The following PLEKHG1 variants were observed in gnomAD, a reference collection of about 807,000 sequenced individuals.
PLEKHG1 encodes pleckstrin homology domain-containing family G member 1.
Under a neutral mutation model 100.8 loss-of-function variants are expected in PLEKHG1, and 44 were observed. That is an observed-to-expected ratio of 0.44 (90% CI 0.34 to 0.56). PLEKHG1 has a LOEUF of 0.56. PLEKHG1 is among the 20% of genes least tolerant of loss of function. PLEKHG1 has a pLI of 0.01. For synonymous variants in PLEKHG1, 640 were observed against 662.5 expected, an observed-to-expected ratio of 0.97 and a Z score of 0.52; for missense variants, 1,545 against 1,720.9, an observed-to-expected ratio of 0.90 and a Z score of 1.81.
At chr6:150,742,534 C>T (rs1417014170) in intron 2 of PLEKHG1, among the ~76,000 whole-genome samples, 2 of 131,142 alleles carry the variant, frequency 1.5e-5, no homozygotes, top group African/African-American at 2.9e-5. Flanking sequence ...CATTGCACTC[C>T]AGCCTAGGCA....
At chr6:150,828,963 A>T (rs2128685986) in intron 14 of PLEKHG1, among the ~76,000 whole-genome samples, 2 of 152,340 alleles carry the variant, frequency 1.3e-5, no homozygotes, top group Middle Eastern at 6.8e-3. Context: ...GAAAAGAAAT[A>T]AATGGCTAAT....
upstream of PLEKHG1, among the ~76,000 whole-genome samples, chr6:150,719,050 A>T (rs1005484007): frequency 2.6e-5 from 4 of 152,338 alleles, no homozygotes; most frequent in Middle Eastern, 3.4e-3. Context: ...CTTTACTTAC[A>T]CAAGTTGATG....
At chr6:150,833,484 G>A (rs969542044) in intron 15 of PLEKHG1, among the ~76,000 whole-genome samples, 2 of 152,228 alleles carry the variant, frequency 1.3e-5, no homozygotes, top group Non-Finnish European at 2.9e-5. Context: ...AGAATCTTAG[G>A]TGTGATATTG....
intron 2 of PLEKHG1, among the ~76,000 whole-genome samples, chr6:150,642,770 T>C (rs1362015052): frequency 2.0e-5 from 3 of 152,222 alleles, no homozygotes; most frequent in African/African-American, 2.4e-5. Context: ...ACTAAAAGCA[T>C]TGATAACTGT....
intron 1 of PLEKHG1, among the ~76,000 whole-genome samples, chr6:150,731,548 C>G (rs762625762): frequency 6.6e-6 from 1 of 152,142 alleles, no homozygotes. Flanking sequence ...GTTTAGTGAT[C>G]TTTATTATAG....
At chr6:150,795,578 C>T (rs1786276566) in intron 4 of PLEKHG1, among the ~76,000 whole-genome samples, 1 of 150,382 alleles carries the variant, frequency 6.6e-6, no homozygotes, top group South Asian at 2.1e-4. Context: ...CCACCAAAGC[C>T]GGGCATGGTG....
chr6:150,722,349 C>CTTTT (rs139069069), intron 1 of PLEKHG1, among the ~76,000 whole-genome samples: 33 of 90,580 alleles, frequency 3.6e-4, no homozygotes, highest in African/African-American at 5.0e-4. Flanking sequence ...TTTTTCTTTT[C>CTTTT]TTTTTTTTTT....
At chr6:150,682,757 G>A (rs906123667) in intron 3 of PLEKHG1, among the ~76,000 whole-genome samples, 1 of 152,138 alleles carries the variant, frequency 6.6e-6, no homozygotes, top group Non-Finnish European at 1.5e-5. Flanking sequence ...TCTGTGCCCT[G>A]AAAGCAAGAG....
At chr6:150,815,981 T>C (rs1282449326) in intron 10 of PLEKHG1, among the ~76,000 whole-genome samples, 1 of 152,168 alleles carries the variant, frequency 6.6e-6, no homozygotes, top group Non-Finnish European at 1.5e-5. Flanking sequence ...GAAAGCACAT[T>C]ACGTTTATTG....
At chr6:150,730,348 G>A (rs756188196) in intron 1 of PLEKHG1, among the ~76,000 whole-genome samples, 2 of 122,170 alleles carry the variant, frequency 1.6e-5, no homozygotes, top group East Asian at 2.5e-4. Context: ...GTGTGGGGGT[G>A]GGGGAGTGGG....
At chr6:150,825,316 C>T (rs117571739) in intron 14 of PLEKHG1, among the ~76,000 whole-genome samples, 1,792 of 152,260 alleles carry the variant, frequency 0.012, 17 homozygotes, top group Middle Eastern at 0.041. Flanking sequence ...TGGCACACAC[C>T]TGTAATCCTA....
At chr6:150,599,903 G>A (rs1776255817) in exon 1 of PLEKHG1, 2 of 189,972 alleles carry the variant, frequency 1.1e-5, no homozygotes, top group Middle Eastern at 2.6e-3. Flanking sequence ...GCCCGAGCCC[G>A]AGCCCGACGG....
At chr6:150,805,012 C>T (rs1786976105) in intron 7 of PLEKHG1, among the ~76,000 whole-genome samples, 2 of 151,886 alleles carry the variant, frequency 1.3e-5, no homozygotes, top group South Asian at 2.1e-4. Flanking sequence ...CTCCACTCAC[C>T]ACAACCTCTG....
chr6:150,647,527 A>T (rs1288377026), intron 2 of PLEKHG1, among the ~76,000 whole-genome samples: 5 of 152,174 alleles, frequency 3.3e-5, no homozygotes, highest in Non-Finnish European at 5.9e-5. Context: ...TATTTTAAAC[A>T]TCACCTTGCT....
intron 2 of PLEKHG1, among the ~76,000 whole-genome samples, chr6:150,639,591 A>G (rs371556253): frequency 4.0e-5 from 6 of 151,870 alleles, no homozygotes; most frequent in East Asian, 3.9e-4. Flanking sequence ...TAGTATTTCA[A>G]TGAGACAATG....
intron 3 of PLEKHG1, among the ~76,000 whole-genome samples, chr6:150,676,650 C>T (rs985259991): frequency 1.3e-5 from 2 of 152,162 alleles, no homozygotes; most frequent in African/African-American, 2.4e-5. Flanking sequence ...ATGAAGGAGA[C>T]AGATTCTACC....
At chr6:150,743,729 A>T (rs1783003228) in intron 2 of PLEKHG1, among the ~76,000 whole-genome samples, 1 of 151,770 alleles carries the variant, frequency 6.6e-6, no homozygotes, top group Non-Finnish European at 1.5e-5. Flanking sequence ...TTCTCCCATC[A>T]TTCCTGATTA....
chr6:150,804,761 G>GT lies in PLEKHG1; in HGVS notation c.912+21dup, dbSNP rs757910648. The GT allele has an allele frequency of 2.1e-5, 33 of 1,609,178 alleles. 1 individual carries two copies. In the South Asian group the frequency reaches 3.4e-4, roughly 17 times the overall value. On this transcript the variant is annotated intron_variant, in intron 7 of 15. Coordinates refer to ENST00000358517, the Ensembl canonical transcript of PLEKHG1. Reference sequence around the variant, plus strand: ...TTACAGGTGAGCCCGCGAGGTGTCGGTGCCCGGCAGGGTTGCAGGTGTAGT... The same window carrying GT: ...TTACAGGTGAGCCCGCGAGGTGTCGGTTGCCCGGCAGGGTTGCAGGTGTAGT...
At chr6:150,701,449 AT>A (rs1333041915) in intron 3 of PLEKHG1, among the ~76,000 whole-genome samples, 2 of 80,736 alleles carry the variant, frequency 2.5e-5, no homozygotes, top group African/African-American at 1.3e-4. Flanking sequence ...ATATATATAT[AT>A]ATATATATAT....
Sources: allele counts gnomAD v4.1 joint callset (sites outside exome capture counted in the v4.1 genomes callset), GRCh38; gene constraint gnomAD v4.1.1; transcripts MANE v1.5; gene names NCBI Gene and HGNC (gene_info 2026-07-23, HGNC 2026-07-21).